LSS: variants seen among roughly 807,000 people sequenced by gnomAD.
The protein encoded by LSS is 2,3-epoxysqualene-lanosterol cyclase.
A neutral mutation model predicts 110.3 loss-of-function variants in LSS; 90 were observed. The ratio of observed to expected loss-of-function variants is 0.82; its 90% CI spans 0.69 to 0.97. The LOEUF (loss-of-function observed/expected upper bound fraction) is 0.97, where lower values mean the gene tolerates loss of function less well. Ranked by LOEUF, LSS falls within the 50% of genes least tolerant of loss-of-function variation. The probability of loss-of-function intolerance (pLI) is 0.00; values close to 1 mark genes in which losing one functional copy is unlikely to be tolerated. For missense variants in LSS, 927 were observed against 990.0 expected (o/e 0.94, Z 0.85); for synonymous variants, 433 against 400.0 (o/e 1.08, Z -0.98).
At chr21:46,199,769 G>T (rs560130026) in intron 17 of LSS, among the ~76,000 whole-genome samples, 1 of 152,344 alleles carries the variant, frequency 6.6e-6, no homozygotes, top group South Asian at 2.1e-4. Context: ...TATGGAGACA[G>T]TAAAAATATC....
intron 20 of LSS, chr21:46,192,451 G>A (rs1160742561): frequency 2.2e-6 from 1 of 452,220 alleles, no homozygotes; most frequent in African/African-American, 2.0e-5. Context: ...TAGGGTTTTA[G>A]GAAGATTCCC....
Position 46,207,512 on chromosome 21 carries a change from C to G in LSS, c.1383G>C (p.Leu461Phe), listed in dbSNP as rs766380004. ...TCTCCTGCAGGAGCAGCACAGCCTT[C>G]AAGGCCTCAGCCGTGCAGTCAGAAA... ...WIVSDCTAEA[L>F]KAVLLLQEKC... Residue 461 changes from leucine (L) to phenylalanine (F), a missense_variant, in exon 15 of 22, where the codon TTG becomes TTC. By Grantham distance (22) the Leu-to-Phe change is conservative. Coordinates refer to ENST00000397728, the MANE Select transcript of LSS (RefSeq NM_002340.6). 1.9e-6 allele frequency: 3 copies of G among 1,612,226 alleles called. No homozygotes were observed. Among genetic ancestry groups the G allele is most frequent in the Non-Finnish European group, 8.5e-7 (1 of 1,179,428 alleles).
At chr21:46,212,987 G>A (rs773038121) in intron 11 of LSS, 38 bp downstream of exon 11, 1 of 1,612,986 alleles carries the variant, frequency 6.2e-7, no homozygotes, top group Admixed American at 1.7e-5. Context: ...AGACATGATT[G>A]CAAAGGAAGC....
chr21:46,215,847 C>A, intron 7 of LSS, 54 bp from the exon 8 acceptor site: 1 of 1,253,160 alleles, frequency 8.0e-7, no homozygotes, highest in Non-Finnish European at 1.1e-6. Flanking sequence ...GTAGGCCTGG[C>A]TCAAACCAGG....
rs976225252 is a variant in LSS at position 46,209,469 on chromosome 21, G to C, written c.1266+85C>G. On this transcript the variant is annotated intron_variant, in intron 13 of 21. Coordinates refer to ENST00000397728, the MANE Select transcript of LSS (RefSeq NM_002340.6). This position sits in a 1 kb window ranked among gnomAD's most constrained non-coding sequence, Gnocchi z 4.4. ...AGTGCAGGAAATAGGGCAGGGTGGAGGTGAGGTGGGCACTTCTGCCTGCAG... is the reference window on the plus strand; with the variant it reads ...AGTGCAGGAAATAGGGCAGGGTGGACGTGAGGTGGGCACTTCTGCCTGCAG... 16 of 1,241,152 alleles carry C rather than the reference G, an allele frequency of 1.3e-5. No homozygotes were observed. Among genetic ancestry groups the C allele is most frequent in the Non-Finnish European group, 1.8e-5 (16 of 883,906 alleles). 76.9% of individuals were successfully genotyped at this position (1,241,152 alleles called of 1,614,324 possible).
intron 12 of LSS, 46 bp downstream of exon 12, chr21:46,210,642 C>T: frequency 1.2e-6 from 2 of 1,601,596 alleles, no homozygotes; most frequent in Non-Finnish European, 1.7e-6. Flanking sequence ...GGCTCACGTG[C>T]ACAGGAAGGT....
At position 46,227,692 on chromosome 21, in the gene LSS, T is replaced by C. The variant is rs1601455986; in HGVS notation, c.181-2A>G. On this transcript the variant is annotated splice_acceptor_variant, in intron 2 of 21. Coordinates refer to ENST00000397728, the MANE Select transcript of LSS (RefSeq NM_002340.6). LOFTEE classifies it high-confidence loss of function. ...GGGCAAGTCCTTAAAGTAATTCTTC[T>C]GCAAAGAGATCGAAAAAAAAAAAAA... 1 of 1,594,016 alleles carries C rather than the reference T, an allele frequency of 6.3e-7. No individual in the cohort carries two copies. Among genetic ancestry groups the C allele is most frequent in the Non-Finnish European group, 8.5e-7 (1 of 1,173,748 alleles).
intron 5 of LSS, among the ~76,000 whole-genome samples, chr21:46,221,524 T>C (rs1432395625): frequency 2.0e-5 from 3 of 152,100 alleles, no homozygotes; most frequent in Non-Finnish European, 4.4e-5. Flanking sequence ...ACCTGGCTAA[T>C]ATTTTATTGT....
At chr21:46,207,693 C>T (rs576588816) in intron 14 of LSS, 116 bp from the exon 15 acceptor site, 22 of 1,239,834 alleles carry the variant, frequency 1.8e-5, no homozygotes, top group Middle Eastern at 2.1e-4. Context: ...GGGCAGGGGC[C>T]CAGCCACCAA....
chr21:46,213,949 C>A (rs183173469), intron 9 of LSS, 114 bp from the exon 10 acceptor site: 6 of 740,152 alleles, frequency 8.1e-6, no homozygotes, highest in African/African-American at 1.7e-5. Flanking sequence ...GTGCAGATCA[C>A]TCAGGGCCAG....
intron 11 of LSS, 145 bp downstream of exon 11, chr21:46,212,880 C>A: frequency 1.1e-6 from 1 of 924,830 alleles, no homozygotes; most frequent in Admixed American, 2.0e-5. Flanking sequence ...AGGGACACGG[C>A]CAGAGGCCTC....
chr21:46,219,327 C>A, intron 6 of LSS, 149 bp downstream of exon 6: 1 of 525,294 alleles, frequency 1.9e-6, no homozygotes, highest in South Asian at 2.9e-5. Context: ...CAAGCTTGAT[C>A]AGGGCCTCTG....
chr21:46,222,658 C>T lies in LSS; in HGVS notation c.400G>A (p.Val134Met). 1 of 1,613,772 alleles carries T rather than the reference C, an allele frequency of 6.2e-7. No homozygotes were observed. The highest frequency in any genetic ancestry group is 2.2e-5 in the East Asian group (1 of 44,888). Residue 134 changes from valine to methionine, a missense_variant, in exon 4 of 22, where the codon GTG becomes ATG. Coordinates refer to ENST00000397728, the MANE Select transcript of LSS (RefSeq NM_002340.6). ...REEIVRYLRSVQLPDGGWGLH... is the reference protein window; with the variant it reads ...REEIVRYLRSMQLPDGGWGLH... Reference sequence around the variant, plus strand: ...CCCCAGCCACCGTCAGGGAGCTGCACTGACCGCAGGTACCGCACAATCTCT... The same window carrying T: ...CCCCAGCCACCGTCAGGGAGCTGCATTGACCGCAGGTACCGCACAATCTCT...
chr21:46,209,560 G>C lies in LSS; in HGVS notation c.1260C>G (p.Leu420=). 1 of 1,605,484 alleles carries C rather than the reference G, an allele frequency of 6.2e-7. No homozygotes were observed. The highest frequency in any genetic ancestry group is 1.1e-5 in the South Asian group (1 of 88,968). The change falls in exon 13 of 22, where the codon CTC becomes CTG. Residue 420 remains leucine, a synonymous_variant. Coordinates refer to ENST00000397728, the MANE Select transcript of LSS (RefSeq NM_002340.6). This position sits in a 1 kb window ranked among gnomAD's most constrained non-coding sequence, Gnocchi z 4.4. ...CLQKAHEFLR[L]SQVPDNPPDY... Reference sequence around the variant, plus strand: ...CCCCAGGCACCGGCCTCACCTGTGAGAGCCTCAGGAACTCATGAGCCTTCT... The same window carrying C: ...CCCCAGGCACCGGCCTCACCTGTGACAGCCTCAGGAACTCATGAGCCTTCT...
At chr21:46,202,802 G>A (rs1348970988) in intron 17 of LSS, among the ~76,000 whole-genome samples, 1 of 152,136 alleles carries the variant, frequency 6.6e-6, no homozygotes, top group Non-Finnish European at 1.5e-5. Flanking sequence ...GCTTGAGCCC[G>A]GAAGTTTGAG....
At chr21:46,206,571 T>C (rs375029791) in intron 16 of LSS, 101 bp downstream of exon 16, 11 of 1,013,348 alleles carry the variant, frequency 1.1e-5, no homozygotes, top group East Asian at 7.3e-5. Flanking sequence ...ACCTGGGCCC[T>C]TGCAGCCTCG....
chr21:46,204,174 A>G (rs1483278931), intron 17 of LSS, among the ~76,000 whole-genome samples: 2 of 152,164 alleles, frequency 1.3e-5, no homozygotes, highest in African/African-American at 2.4e-5. Flanking sequence ...CAGCACCTGT[A>G]GTCCCAGCTA....
At chr21:46,210,545 G>A in intron 12 of LSS, 143 bp downstream of exon 12, 5 of 854,548 alleles carry the variant, frequency 5.9e-6, no homozygotes, top group South Asian at 1.6e-5. Flanking sequence ...ACGACCCTCT[G>A]AAGCCAGAGG....
intron 6 of LSS, among the ~76,000 whole-genome samples, chr21:46,217,796 T>C (rs1273860112): frequency 1.3e-5 from 2 of 152,160 alleles, no homozygotes; most frequent in Non-Finnish European, 2.9e-5. Flanking sequence ...GACTGCCGTC[T>C]CAGTCCTTCC....
Sources: allele counts gnomAD v4.1 joint callset (sites outside exome capture counted in the v4.1 genomes callset), GRCh38; gene constraint gnomAD v4.1.1; non-coding constraint Gnocchi (gnomAD v3.1); transcripts MANE v1.5; gene names NCBI Gene and HGNC (gene_info 2026-07-23, HGNC 2026-07-21).